Variants in FAM156A observed in about 807,000 individuals in gnomAD.
FAM156A encodes the protein family with sequence similarity 156 member A, also known as protein FAM156A/FAM156B.
At chrX:52,995,457 G>A (rs1426268295), upstream of FAM156A, 2 of 112,709 alleles carry the variant, frequency 1.8e-5, no homozygotes, top group Non-Finnish European at 3.7e-5. Context: ...CGCAATCGTC[G>A]TGCCTGTCAC....
intron 1 of FAM156A, among the ~76,000 whole-genome samples, chrX:52,979,822 T>C (rs899228818): frequency 8.9e-6 from 1 of 112,267 alleles, no homozygotes; most frequent in South Asian, 3.7e-4. Context: ...CTGGGGAACA[T>C]TGTGTCCTTC....
chrX:52,977,105 C>T lies in FAM156A; in HGVS notation c.-433-12870G>A, dbSNP rs868993835. 5.1e-3 allele frequency among the ~76,000 whole-genome samples: 497 copies of T among 97,600 alleles called. 1 individual carries two copies. The highest frequency in any genetic ancestry group is 0.016 in the African/African-American group (423 of 26,832). The allele number at this position is 97,600 out of a possible 115,157, so 84.8% of individuals were successfully genotyped here. A position where few individuals can be genotyped will look rare whatever the true frequency, so the allele number is the denominator to read the frequency against. On this transcript the variant is annotated intron_variant, in intron 1 of 4. Transcript: ENST00000610625. ...ATATATATACACACACACACACACACATATATATATATATATATATATCTT... is the reference window on the plus strand; with the variant it reads ...ATATATATACACACACACACACACATATATATATATATATATATATATCTT...
chrX:52,991,621 C>G (rs973372676), intron 1 of FAM156A, among the ~76,000 whole-genome samples: 19 of 112,224 alleles, frequency 1.7e-4, no homozygotes, highest in Non-Finnish European at 3.4e-4. Context: ...ATGCTGTTCT[C>G]CTCTACAGGG....
intron 1 of FAM156A, among the ~76,000 whole-genome samples, chrX:52,986,058 G>A (rs1556794355): frequency 9.1e-6 from 1 of 110,279 alleles, no homozygotes; most frequent in Non-Finnish European, 1.9e-5. Context: ...CTTTGCTATT[G>A]TGAATAGTGC....
At chrX:52,987,973 G>A (rs6643589) in intron 1 of FAM156A, among the ~76,000 whole-genome samples, 12,790 of 111,664 alleles carry the variant, frequency 0.11, 566 homozygotes, top group Non-Finnish European at 0.14. Flanking sequence ...TCAAGGGGTC[G>A]AGCGCAGTGG....
intron 1 of FAM156A, among the ~76,000 whole-genome samples, chrX:52,988,400 C>T (rs1367960279): frequency 9.0e-6 from 1 of 110,651 alleles, no homozygotes; most frequent in Non-Finnish European, 1.9e-5. Flanking sequence ...AGAACAGATC[C>T]GTGGGTGCCA....
chrX:52,985,140 T>A (rs1556794159), intron 1 of FAM156A, among the ~76,000 whole-genome samples: 1 of 110,003 alleles, frequency 9.1e-6, no homozygotes, highest in Non-Finnish European at 1.9e-5. Context: ...AAATAGCCCA[T>A]ATCTTGGGTC....
chrX:52,993,661 C>T (rs1001448265), intron 1 of FAM156A, among the ~76,000 whole-genome samples: 1 of 110,570 alleles, frequency 9.0e-6, no homozygotes. Flanking sequence ...GTGATCTGCC[C>T]GCCTCGGCCT....
chrX:52,973,148 G>A (rs1245817032), intron 1 of FAM156A, among the ~76,000 whole-genome samples: 1 of 78,752 alleles, frequency 1.3e-5, no homozygotes, highest in Non-Finnish European at 2.5e-5. Context: ...CCAACATGGT[G>A]CATGTATACC....
intron 1 of FAM156A, among the ~76,000 whole-genome samples, chrX:52,990,853 A>AAAGAAAAGAAAAGAT (rs1569209023): frequency 1.0e-3 from 110 of 109,379 alleles, no homozygotes; most frequent in African/African-American, 3.6e-3. Flanking sequence ...AAAGAAAAGA[A>AAAGAAAAGAAAAGAT]AAGATGCTGG....
chrX:52,975,617 G>A (rs1306082085), intron 1 of FAM156A, among the ~76,000 whole-genome samples: 1 of 111,513 alleles, frequency 9.0e-6, no homozygotes, highest in Admixed American at 9.5e-5. Flanking sequence ...CGTCACTGGG[G>A]GAGCGTTGAG....
chrX:52,989,749 C>A (rs782000927), intron 1 of FAM156A, among the ~76,000 whole-genome samples: 2 of 112,094 alleles, frequency 1.8e-5, no homozygotes, highest in Admixed American at 9.4e-5. Context: ...GCGGAGCCGG[C>A]AGCTGGCCAG....
At chrX:52,988,336 C>A (rs946256112) in intron 1 of FAM156A, among the ~76,000 whole-genome samples, 5 of 111,174 alleles carry the variant, frequency 4.5e-5, no homozygotes, top group Non-Finnish European at 9.4e-5. Flanking sequence ...AGACTACAGG[C>A]TGTATTATTC....
At chrX:52,973,694 C>T (rs1556791387) in intron 1 of FAM156A, among the ~76,000 whole-genome samples, 3 of 111,928 alleles carry the variant, frequency 2.7e-5, no homozygotes, top group African/African-American at 9.7e-5. Context: ...ACGGAGTTTC[C>T]GTCTGTCGCC....
intron 1 of FAM156A, among the ~76,000 whole-genome samples, chrX:52,978,363 C>CAT (rs1174435538): frequency 8.9e-6 from 1 of 111,986 alleles, no homozygotes; most frequent in African/African-American, 3.2e-5. Context: ...GGAAACTGAC[C>CAT]ATATGCCAGG....
At chrX:52,991,418 C>T (rs1056831526) in intron 1 of FAM156A, among the ~76,000 whole-genome samples, 2 of 111,242 alleles carry the variant, frequency 1.8e-5, no homozygotes, top group Non-Finnish European at 3.8e-5. Flanking sequence ...CTCGAGGGAT[C>T]GGACAATGCC....
chrX:52,973,695 G>A (rs1450527283), intron 1 of FAM156A, among the ~76,000 whole-genome samples: 1 of 112,038 alleles, frequency 8.9e-6, no homozygotes, highest in Non-Finnish European at 1.9e-5. Context: ...CGGAGTTTCC[G>A]TCTGTCGCCC....
chrX:52,977,175 T>A (rs1556792507), intron 1 of FAM156A, among the ~76,000 whole-genome samples: 1 of 107,556 alleles, frequency 9.3e-6, no homozygotes, highest in Non-Finnish European at 1.9e-5. Flanking sequence ...ACTAAAAACA[T>A]CTGGCCCAGA....
At chrX:52,995,418 C>G (rs1300160574), upstream of FAM156A, 2 of 113,000 alleles carry the variant, frequency 1.8e-5, no homozygotes, top group East Asian at 5.6e-4. Flanking sequence ...CACACACCCT[C>G]CTCGCTCCCG....
Sources: gnomAD v4.1 joint callset for allele counts (sites outside exome capture counted in the v4.1 genomes callset) on GRCh38, gnomAD v4.1.1 for gene constraint, MANE v1.5 for transcripts, NCBI Gene and HGNC (gene_info 2026-07-23, HGNC 2026-07-21) for gene names.